Variants in NAPG observed in about 807,000 individuals in gnomAD.
The protein encoded by NAPG is NSF attachment protein gamma, also known as gamma-soluble NSF attachment protein.
Under a neutral mutation model 48.4 loss-of-function variants are expected in NAPG, and 25 were observed. The observed-to-expected ratio is 0.52, with a 90% CI of 0.38 to 0.72. The LOEUF is 0.72. Among genes scored for constraint, NAPG ranks in the 30% least tolerant of loss-of-function variants. NAPG has a pLI of 0.00. For synonymous variants in NAPG, 139 were observed against 127.2 expected (o/e 1.09, Z -0.62); for missense variants, 359 against 372.5 (o/e 0.96, Z 0.30).
intron 5 of NAPG, among the ~76,000 whole-genome samples, chr18:10,538,628 A>G (rs2032084060): frequency 6.6e-6 from 1 of 152,178 alleles, no homozygotes; most frequent in African/African-American, 2.4e-5. Context: ...AGATTTCCCA[A>G]AGGTCTGTGA....
rs1197783808 is a variant in NAPG, at chr18:10,546,326, G to T, written c.507G>T (p.Arg169Ser). The change falls in exon 9 of 12, where the codon AGG becomes AGT. Residue 169 changes from arginine (R) to serine (S), a missense_variant and splice_region_variant. By Grantham distance (110) the Arg-to-Ser change is moderately radical (BLOSUM62 -1). Transcript: ENST00000322897. The surrounding 1 kb of genome is among the most constrained non-coding windows in gnomAD (Gnocchi z 4.0). ...KASRLLVRGRRFDEAALSIQK... is the reference protein window; with the variant it reads ...KASRLLVRGRSFDEAALSIQK... Reference sequence around the variant, plus strand: ...TTTACATTTCTGTGTTTTGTTTTAGGTTTGATGAGGCGGCACTCTCTATTC... The same window carrying T: ...TTTACATTTCTGTGTTTTGTTTTAGTTTTGATGAGGCGGCACTCTCTATTC... 5 of 1,568,600 alleles carry T rather than the reference G, an allele frequency of 3.2e-6. No homozygotes were observed. In the South Asian group the frequency reaches 4.7e-5, roughly 15 times the overall value.
Position 10,532,738 on chromosome 18 carries a change from T to G in NAPG, c.152T>G (p.Phe51Cys). The change falls in exon 3 of 12, where the codon TTT becomes TGT. Residue 51 changes from phenylalanine (F) to cysteine (C), a missense_variant. Coordinates refer to ENST00000322897, the MANE Select transcript of NAPG (RefSeq NM_003826.3). ...GTTGCTTTTAAAAATGCCAAACAGT[T>G]TGAGCAAGCAAAAGATGCCTGCCTG... ...AAVAFKNAKQ[F>C]EQAKDACLRE... 1 of 1,592,140 alleles carries G rather than the reference T, an allele frequency of 6.3e-7. No individual in the cohort carries two copies. The highest frequency in any genetic ancestry group is 1.1e-5 in the South Asian group (1 of 87,302).
chr18:10,527,629 T>C (rs2031845636), intron 1 of NAPG, among the ~76,000 whole-genome samples: 1 of 152,132 alleles, frequency 6.6e-6, no homozygotes. Flanking sequence ...GAGGAGATGA[T>C]TTGTGAGCAG....
In NAPG at chr18:10,548,197, C is replaced by G. The variant is rs1454282138; in HGVS notation, c.586-102C>G. Reference sequence around the variant, plus strand: ...ATTTATAAATCTCTGTTTATACAAACAAAGACTCTGAAAGTTAAACTCCAG... The same window carrying G: ...ATTTATAAATCTCTGTTTATACAAAGAAAGACTCTGAAAGTTAAACTCCAG... On this transcript the variant is annotated intron_variant, in intron 9 of 11. Coordinates refer to ENST00000322897, the MANE Select transcript of NAPG (RefSeq NM_003826.3). The surrounding 1 kb of genome is among the most constrained non-coding windows in gnomAD (Gnocchi z 4.4). 3 of 808,606 alleles carry G rather than the reference C, an allele frequency of 3.7e-6. No individual in the cohort carries two copies. In the African/African-American group the frequency reaches 5.1e-5, roughly 14 times the overall value. The allele number at this position is 808,606 out of a possible 1,614,324, so 50.1% of individuals were successfully genotyped here. A position where few individuals can be genotyped will look rare whatever the true frequency, so the allele number is the denominator to read the frequency against.
rs759920400 is a variant in NAPG at position 10,548,264 on chromosome 18, T to A, written c.586-35T>A. 1 of 1,489,724 alleles carries A rather than the reference T, an allele frequency of 6.7e-7. No individual in the cohort carries two copies. Among genetic ancestry groups the A allele is most frequent in the Admixed American group, 1.7e-5 (1 of 59,722 alleles). The allele number at this position is 1,489,724 out of a possible 1,614,324, so 92.3% of individuals were successfully genotyped here. A position where few individuals can be genotyped will look rare whatever the true frequency, so the allele number is the denominator to read the frequency against. On this transcript the variant is annotated intron_variant, in intron 9 of 11. Coordinates refer to ENST00000322897, the MANE Select transcript of NAPG (RefSeq NM_003826.3). This position sits in a 1 kb window ranked among gnomAD's most constrained non-coding sequence, Gnocchi z 4.4. ...CAGGTTATTGACTTTATTAAACAGA[T>A]GTAAATTTGACCATGATCCTCTCTT...
chr18:10,529,473 G>T (rs1486463061), intron 1 of NAPG, among the ~76,000 whole-genome samples: 1 of 152,212 alleles, frequency 6.6e-6, no homozygotes, highest in Non-Finnish European at 1.5e-5. Context: ...ACTGTAGCTG[G>T]CTGGGTACAG....
In NAPG at chr18:10,548,854, T is replaced by C. The variant is rs996958597; in HGVS notation, c.666-113T>C. 31 of 1,363,330 alleles carry C rather than the reference T, an allele frequency of 2.3e-5. No homozygotes were observed. Among genetic ancestry groups the C allele is most frequent in the Non-Finnish European group, 2.7e-5 (27 of 1,014,336 alleles). The allele number at this position is 1,363,330 out of a possible 1,614,324, so 84.5% of individuals were successfully genotyped here. ...AGATGCCACTAGCATTCCCACACTT[T>C]TAAGTACCAAAATGTCTCCAGACAG... On this transcript the variant is annotated intron_variant, in intron 10 of 11. Coordinates refer to ENST00000322897, the MANE Select transcript of NAPG (RefSeq NM_003826.3). The surrounding 1 kb of genome is among the most constrained non-coding windows in gnomAD (Gnocchi z 4.4).
At position 10,548,193 on chromosome 18, in the gene NAPG, C is replaced by A. The variant is rs1792219870; in HGVS notation, c.586-106C>A. On this transcript the variant is annotated intron_variant, in intron 9 of 11. Coordinates refer to ENST00000322897, the MANE Select transcript of NAPG (RefSeq NM_003826.3). The surrounding 1 kb of genome is among the most constrained non-coding windows in gnomAD (Gnocchi z 4.4). ...TAGCATTTATAAATCTCTGTTTATACAAACAAAGACTCTGAAAGTTAAACT... is the reference window on the plus strand; with the variant it reads ...TAGCATTTATAAATCTCTGTTTATAAAAACAAAGACTCTGAAAGTTAAACT... 3 of 776,830 alleles carry A rather than the reference C, an allele frequency of 3.9e-6. No individual in the cohort carries two copies. Among genetic ancestry groups the A allele is most frequent in the Non-Finnish European group, 6.6e-6 (3 of 457,056 alleles). The allele number at this position is 776,830 out of a possible 1,614,324, so 48.1% of individuals were successfully genotyped here. A position where few individuals can be genotyped will look rare whatever the true frequency, so the allele number is the denominator to read the frequency against.
chr18:10,547,905 T>TA (rs1307951546), intron 9 of NAPG, among the ~76,000 whole-genome samples: 1 of 150,002 alleles, frequency 6.7e-6, no homozygotes, highest in African/African-American at 2.4e-5. Flanking sequence ...ATTGTGGTGT[T>TA]ACGGGTCCCC....
At position 10,534,186 on chromosome 18, in the gene NAPG, T is replaced by C. The variant is rs911092212; in HGVS notation, c.228-280T>C. On this transcript the variant is annotated intron_variant, in intron 4 of 11. Transcript: ENST00000322897. The surrounding 1 kb of genome is among the most constrained non-coding windows in gnomAD (Gnocchi z 5.0). ...AAACAAAAAAACTTAGGTTTAGGTT[T>C]GTCAGATGGAAATTAATTTAACCTT... 6.6e-6 allele frequency among the ~76,000 whole-genome samples: 1 copy of C among 152,184 alleles called. No individual in the cohort carries two copies. The highest frequency in any genetic ancestry group is 6.5e-5 in the Admixed American group (1 of 15,278).
rs1031033491 is a variant in NAPG, at chr18:10,544,534, C to CA, written c.507-1791dup. On this transcript the variant is annotated intron_variant, in intron 8 of 11. Coordinates refer to ENST00000322897, the MANE Select transcript of NAPG (RefSeq NM_003826.3). This position sits in a 1 kb window ranked among gnomAD's most constrained non-coding sequence, Gnocchi z 5.1. ...CCTTCAGTTCCTGGCCGTGTGCCCCCATTGGTGGTTCACAGCATGGCAGTT... is the reference window on the plus strand; with the variant it reads ...CCTTCAGTTCCTGGCCGTGTGCCCCCAATTGGTGGTTCACAGCATGGCAGTT... Among the ~76,000 whole-genome samples, 1 of 152,332 alleles carries CA rather than the reference C, an allele frequency of 6.6e-6. No individual in the cohort carries two copies. The highest frequency in any genetic ancestry group is 1.5e-5 in the Non-Finnish European group (1 of 68,040).
chr18:10,532,513 A>C (rs1299550293), intron 2 of NAPG, among the ~76,000 whole-genome samples, 198 bp from the exon 3 acceptor site: 2 of 152,210 alleles, frequency 1.3e-5, no homozygotes, highest in Non-Finnish European at 2.9e-5. Context: ...AAGTTTTAAA[A>C]ATACTCGTAA....
rs1387768827 is a variant in NAPG, at chr18:10,548,926, T to C, written c.666-41T>C. On this transcript the variant is annotated intron_variant, in intron 10 of 11. Transcript: ENST00000322897. The surrounding 1 kb of genome is among the most constrained non-coding windows in gnomAD (Gnocchi z 4.4). ...TCATCCCTGCCTGAGATGTGTTCTT[T>C]TAAGGAGAAGGTGAAGACGTGTGAT... 1 of 1,599,630 alleles carries C rather than the reference T, an allele frequency of 6.3e-7. No homozygotes were observed. The highest frequency in any genetic ancestry group is 8.5e-7 in the Non-Finnish European group (1 of 1,170,272).
chr18:10,540,423 G>A (rs1222003379), intron 8 of NAPG, 24 bp downstream of exon 8: 2 of 1,592,730 alleles, frequency 1.3e-6, no homozygotes, highest in Non-Finnish European at 1.7e-6. Context: ...AACTATTGCT[G>A]TGTGTTTAAC....
intron 1 of NAPG, among the ~76,000 whole-genome samples, chr18:10,530,043 C>G (rs1304111504): frequency 6.6e-6 from 1 of 152,096 alleles, no homozygotes. Flanking sequence ...GAGGAAAAGG[C>G]AAGTAAGTTA....
Position 10,549,086 on chromosome 18 carries a change from T to C in NAPG, c.785T>C (p.Met262Thr). Residue 262 changes from methionine to threonine, a missense_variant, in exon 11 of 12, where the codon ATG becomes ACG. Met to Thr is a moderately conservative substitution (Grantham distance 81). Transcript: ENST00000322897. Reference sequence around the variant, plus strand: ...TGCAACTCACCGCTTTTCAAGTACATGGACAATGATGTAAGTGGACCCATT... The same window carrying C: ...TGCAACTCACCGCTTTTCAAGTACACGGACAATGATGTAAGTGGACCCATT... Reference protein sequence around the residue: ...DVCNSPLFKYMDNDYAKLGLS... With the variant: ...DVCNSPLFKYTDNDYAKLGLS... The C allele has an allele frequency of 6.2e-7, 1 of 1,613,580 alleles. No homozygotes were observed. Among genetic ancestry groups the C allele is most frequent in the Non-Finnish European group, 8.5e-7 (1 of 1,179,614 alleles).
intron 1 of NAPG, among the ~76,000 whole-genome samples, chr18:10,527,949 G>A (rs1229764435): frequency 1.3e-5 from 2 of 152,122 alleles, no homozygotes; most frequent in African/African-American, 4.8e-5. Flanking sequence ...ACTTTGGGAG[G>A]CTGAGGCGGG....
chr18:10,547,122 G>C (rs1159842412), intron 9 of NAPG, among the ~76,000 whole-genome samples: 2 of 152,226 alleles, frequency 1.3e-5, no homozygotes, highest in African/African-American at 4.8e-5. Flanking sequence ...CGCAAAGCTT[G>C]GAGAGCTAAG....
chr18:10,533,521 G>A lies in NAPG; in HGVS notation c.210-15G>A, dbSNP rs372972556. 13 of 1,588,724 alleles carry A rather than the reference G, an allele frequency of 8.2e-6. No homozygotes were observed. The African/African-American group carries it at 1.5e-4, about 18-fold the overall frequency. ...TTCTTTTTTCCTTAACTTTGACTTCGTTACTTCCATTCAGTCTTTTTCATG... is the reference window on the plus strand; with the variant it reads ...TTCTTTTTTCCTTAACTTTGACTTCATTACTTCCATTCAGTCTTTTTCATG... On this transcript the variant is annotated splice_polypyrimidine_tract_variant and intron_variant, in intron 3 of 11. Transcript: ENST00000322897.
Sources: gnomAD v4.1 joint callset for allele counts (sites outside exome capture counted in the v4.1 genomes callset) on GRCh38, gnomAD v4.1.1 for gene constraint, Gnocchi (gnomAD v3.1) non-coding constraint, MANE v1.5 for transcripts, NCBI Gene and HGNC (gene_info 2026-07-23, HGNC 2026-07-21) for gene names.